USP45: variants seen among roughly 807,000 people sequenced by gnomAD.
USP45 encodes ubiquitin specific peptidase 45, also known as ubiquitin carboxyl-terminal hydrolase 45.
Under a neutral mutation model 95.8 loss-of-function variants are expected in USP45, and 89 were observed. That is an observed-to-expected ratio of 0.93 (90% CI 0.78 to 1.11). The LOEUF is 1.11. Ranked by LOEUF, USP45 falls within the 50% of genes least tolerant of loss-of-function variation. The probability of loss-of-function intolerance (pLI) is 0.00; values close to 1 mark genes in which losing one functional copy is unlikely to be tolerated. For synonymous variants in USP45, 281 were observed against 316.2 expected (o/e 0.89, Z 1.18); for missense variants, 898 against 942.5 (o/e 0.95, Z 0.62).
At chr6:99,449,222 G>GA (rs770231583) in intron 13 of USP45, among the ~76,000 whole-genome samples, 1 of 152,142 alleles carries the variant, frequency 6.6e-6, no homozygotes, top group African/African-American at 2.4e-5. Flanking sequence ...GATACAGACT[G>GA]AAAAACTGCA....
chr6:99,437,117 A>G lies in USP45; in HGVS notation c.2314+129T>C, dbSNP rs150679130. On this transcript the variant is annotated intron_variant, in intron 17 of 17. Transcript: ENST00000500704. ...GTCTCAATCAATCAATCAATCAATC[A>G]ATTAAGTTAAAATAAAGCAAGCAAG... The G allele has an allele frequency of 3.3e-4, 335 of 1,005,772 alleles. No homozygotes were observed. The African/African-American group carries it at 4.5e-3, about 14-fold the overall frequency. The allele number at this position is 1,005,772 out of a possible 1,614,324, so 62.3% of individuals were successfully genotyped here.
intron 5 of USP45, among the ~76,000 whole-genome samples, chr6:99,491,049 AG>A (rs1249774628): frequency 6.6e-6 from 1 of 152,138 alleles, no homozygotes; most frequent in Non-Finnish European, 1.5e-5. Context: ...TCAGATATTA[AG>A]GAGCTATTTT....
chr6:99,474,261 G>A (rs987413404), intron 9 of USP45, among the ~76,000 whole-genome samples: 9 of 152,114 alleles, frequency 5.9e-5, no homozygotes, highest in East Asian at 1.9e-4. Flanking sequence ...GCAGTGGTGC[G>A]ATCACAGCTC....
rs1026801153 is a variant in USP45, at chr6:99,463,563, G to A, written c.1308+1041C>T. 5.9e-5 allele frequency among the ~76,000 whole-genome samples: 9 copies of A among 152,046 alleles called. No individual in the cohort carries two copies. In the South Asian group the frequency reaches 1.9e-3, roughly 32 times the overall value. On this transcript the variant is annotated intron_variant, in intron 13 of 17. Coordinates refer to ENST00000500704, the MANE Select transcript of USP45 (RefSeq NM_001346022.3). The stretch of plus-strand genomic sequence containing the variant: ...GATGAAAAGAGATTTAAGAGACATG[G>A]CAATCATTGGGAGGCTGAGGCGGGT...
upstream of USP45, among the ~76,000 whole-genome samples, chr6:99,515,848 C>G (rs1420817844): frequency 7.1e-6 from 1 of 141,824 alleles, no homozygotes; most frequent in Non-Finnish European, 1.5e-5. Context: ...GATCTCGGCT[C>G]ACTGCAACCT....
chr6:99,473,777 A>ACACACACACACACACACACACAC (rs139068072), intron 9 of USP45, among the ~76,000 whole-genome samples: 1 of 127,738 alleles, frequency 7.8e-6, no homozygotes, highest in Admixed American at 8.2e-5. Context: ...AAAAAAACAA[A>ACACACACACACACACACACACAC]ACACACACAC....
chr6:99,466,949 G>A (rs1026206190), intron 10 of USP45, among the ~76,000 whole-genome samples, 186 bp from the exon 11 acceptor site: 4 of 152,090 alleles, frequency 2.6e-5, no homozygotes, highest in South Asian at 2.1e-4. Context: ...GCAGATTTAC[G>A]ACTATCAACT....
chr6:99,466,899 C>T, intron 10 of USP45, 136 bp from the exon 11 acceptor site: 1 of 619,960 alleles, frequency 1.6e-6, no homozygotes. Context: ...TTTTACTATA[C>T]ATACAACATT....
chr6:99,452,615 G>A (rs1483505822), intron 13 of USP45, among the ~76,000 whole-genome samples: 5 of 152,206 alleles, frequency 3.3e-5, no homozygotes, highest in African/African-American at 7.2e-5. Flanking sequence ...GGAAGACAGC[G>A]TGGCTATTCC....
intron 5 of USP45, among the ~76,000 whole-genome samples, chr6:99,502,340 ATTGT>A (rs558396038): frequency 2.6e-4 from 39 of 152,202 alleles, no homozygotes; most frequent in Admixed American, 5.2e-4. Context: ...TAAAACTATA[ATTGT>A]TAGTACAGCA....
At chr6:99,448,664 A>C (rs540205353) in intron 13 of USP45, among the ~76,000 whole-genome samples, 40 of 152,346 alleles carry the variant, frequency 2.6e-4, no homozygotes, top group African/African-American at 9.4e-4. Context: ...CAAATTCAGC[A>C]AATACAGAAA....
chr6:99,454,951 G>A (rs192524216), intron 13 of USP45, among the ~76,000 whole-genome samples: 7 of 152,090 alleles, frequency 4.6e-5, no homozygotes, highest in Non-Finnish European at 8.8e-5. Flanking sequence ...TAAGCCCGGT[G>A]TGATGGCAGG....
chr6:99,508,587 C>G, intron 3 of USP45, 23 bp downstream of exon 3: 1 of 1,600,406 alleles, frequency 6.2e-7, no homozygotes, highest in Admixed American at 1.7e-5. Context: ...GACAAACTCA[C>G]ATATAAATAA....
intron 5 of USP45, among the ~76,000 whole-genome samples, chr6:99,489,423 A>G (rs1794692570): frequency 6.6e-6 from 1 of 152,210 alleles, no homozygotes; most frequent in Admixed American, 6.5e-5. Context: ...ACTTCCTTAT[A>G]AGAGAATGCC....
Position 99,446,241 on chromosome 6 carries a change from CA to C in USP45, c.1530del (p.Glu511LysfsTer54), listed in dbSNP as rs1458176921. ...AGCCCAGTCTGCTTTGAAGCACTTT[CA>C]GATTCTGAAGGCTCACTGTCAGCAT... ...NVDADSEPSE[S>X]ESASKQTGLF... On this transcript the variant is annotated frameshift_variant, in exon 14 of 18. Coordinates refer to ENST00000500704, the MANE Select transcript of USP45 (RefSeq NM_001346022.3). LOFTEE classifies it high-confidence loss of function. 1.9e-6 allele frequency: 3 copies of C among 1,614,148 alleles called. No homozygotes were observed. The highest frequency in any genetic ancestry group is 2.5e-6 in the Non-Finnish European group (3 of 1,180,010).
intron 9 of USP45, among the ~76,000 whole-genome samples, chr6:99,473,497 G>A (rs927384613): frequency 2.0e-5 from 3 of 151,740 alleles, no homozygotes; most frequent in East Asian, 1.9e-4. Flanking sequence ...GCAGTGAGCC[G>A]AGATCACAAC....
At position 99,479,578 on chromosome 6, in the gene USP45, A is replaced by G. The variant is rs145219170; in HGVS notation, c.845+3175T>C. Among the ~76,000 whole-genome samples the G allele has an allele frequency of 3.2e-3, 472 of 145,982 alleles. 2 individuals carry two copies. The highest frequency in any genetic ancestry group is 0.01 in the African/African-American group (397 of 38,682). ...CTAAAGCTAGCCAGAATATCCACCA[A>G]TACAATTTACTATTCCAACAGACAA... On this transcript the variant is annotated intron_variant, in intron 8 of 17. Coordinates refer to ENST00000500704, the MANE Select transcript of USP45 (RefSeq NM_001346022.3).
chr6:99,478,368 CAAACATATG>C (rs2128688851), intron 8 of USP45, among the ~76,000 whole-genome samples: 1 of 151,684 alleles, frequency 6.6e-6, no homozygotes, highest in South Asian at 2.1e-4. Context: ...TAAAAATCAC[CAAACATATG>C]AAAATATTCA....
chr6:99,468,744 G>T, intron 9 of USP45, 126 bp from the exon 10 acceptor site: 1 of 561,612 alleles, frequency 1.8e-6, no homozygotes, highest in Non-Finnish European at 3.0e-6. Flanking sequence ...AAAATAAAAT[G>T]ACCAAATTTT....
Sources: gnomAD v4.1 joint callset for allele counts (sites outside exome capture counted in the v4.1 genomes callset) on GRCh38, gnomAD v4.1.1 for gene constraint, MANE v1.5 for transcripts, NCBI Gene and HGNC (gene_info 2026-07-23, HGNC 2026-07-21) for gene names.